CNTLN: variants seen among roughly 807,000 people sequenced by gnomAD.
CNTLN encodes centlein.
CNTLN carries 212 observed loss-of-function variants against 180.0 expected under a neutral mutation model. That is an observed-to-expected ratio of 1.18 (90% confidence interval 1.05 to 1.32). The LOEUF is 1.32. CNTLN is among the 40% of genes most tolerant of loss of function. The pLI is 0.00. For synonymous variants in CNTLN, 722 were observed against 563.1 expected, an observed-to-expected ratio of 1.28 and a Z score of -3.99; for missense variants, 2,095 against 1,610.9, an observed-to-expected ratio of 1.30 and a Z score of -5.14.
chr9:17,423,589 G>C (rs1337097818), intron 18 of CNTLN, among the ~76,000 whole-genome samples: 1 of 152,008 alleles, frequency 6.6e-6, no homozygotes, highest in East Asian at 1.9e-4. Context: ...AGTTCAACTG[G>C]CTCCAAGCCC....
Position 17,228,107 on chromosome 9 carries a change from A to G in CNTLN, c.534+1820A>G, listed in dbSNP as rs564057211. ...TCCTCAATTACACCTCTATTCTGTT[A>G]GAGCAGGAAAATCTTTAATATCCTT... On this transcript the variant is annotated intron_variant, in intron 3 of 25. Coordinates refer to ENST00000380647, the MANE Select transcript of CNTLN (RefSeq NM_017738.4). Among the ~76,000 whole-genome samples the G allele has an allele frequency of 3.3e-5, 5 of 152,246 alleles. No individual in the cohort carries two copies. The South Asian group carries it at 1.0e-3, about 32-fold the overall frequency.
intron 19 of CNTLN, among the ~76,000 whole-genome samples, chr9:17,462,248 A>C (rs1161448789): frequency 2.6e-5 from 4 of 151,750 alleles, no homozygotes; most frequent in Non-Finnish European, 5.9e-5. Context: ...GTTGGAAGAT[A>C]CAAAATAGCC....
intron 5 of CNTLN, among the ~76,000 whole-genome samples, chr9:17,244,376 T>C (rs1825681904): frequency 6.6e-6 from 1 of 152,056 alleles, no homozygotes; most frequent in Non-Finnish European, 1.5e-5. Context: ...TATATCTGGC[T>C]AATTTTTTGC....
At chr9:17,318,752 G>T (rs1218777522) in intron 8 of CNTLN, among the ~76,000 whole-genome samples, 1 of 152,062 alleles carries the variant, frequency 6.6e-6, no homozygotes, top group African/African-American at 2.4e-5. Flanking sequence ...TAACATTTCT[G>T]CCCATTAGTA....
At chr9:17,301,539 A>G (rs1818351651) in intron 7 of CNTLN, 1 of 984,684 alleles carries the variant, frequency 1.0e-6, no homozygotes, top group Non-Finnish European at 1.2e-6. Flanking sequence ...TTTCTCAGAG[A>G]TTACCTTGGG....
At chr9:17,294,821 G>T (rs1817713188) in intron 6 of CNTLN, among the ~76,000 whole-genome samples, 1 of 24,174 alleles carries the variant, frequency 4.1e-5, no homozygotes, top group African/African-American at 2.8e-4. Context: ...TGGGCGAAGG[G>T]GGGAGGGCGG....
intron 10 of CNTLN, 23 bp downstream of exon 10, chr9:17,332,753 A>G (rs547692741): frequency 6.4e-7 from 1 of 1,551,738 alleles, no homozygotes; most frequent in South Asian, 1.2e-5. Flanking sequence ...TCATTTCTTT[A>G]GTAGTAACCT....
chr9:17,292,004 A>G (rs756958571), intron 6 of CNTLN, among the ~76,000 whole-genome samples: 6 of 152,174 alleles, frequency 3.9e-5, no homozygotes, highest in Non-Finnish European at 8.8e-5. Context: ...GTGGTGACTA[A>G]TTACCTCAGC....
chr9:17,515,842 A>G, the CNTLN span, among the ~76,000 whole-genome samples: 4 of 152,160 alleles, frequency 2.6e-5, no homozygotes, highest in African/African-American at 9.7e-5. Flanking sequence ...TTCATTTAAA[A>G]CACATGAGAC....
At chr9:17,271,822 G>A (rs2132498347) in intron 5 of CNTLN, among the ~76,000 whole-genome samples, 1 of 152,180 alleles carries the variant, frequency 6.6e-6, no homozygotes, top group Non-Finnish European at 1.5e-5. Flanking sequence ...ATCAGCTTTG[G>A]CTGGATTATT....
chr9:17,367,400 T>C (rs537348685), intron 13 of CNTLN, among the ~76,000 whole-genome samples: 3 of 91,936 alleles, frequency 3.3e-5, no homozygotes, highest in Non-Finnish European at 7.8e-5. Flanking sequence ...CTATATAAAC[T>C]TAAAAGACTG....
intron 15 of CNTLN, among the ~76,000 whole-genome samples, chr9:17,396,449 C>T (rs540920493): frequency 8.9e-4 from 136 of 152,182 alleles, no homozygotes; most frequent in Non-Finnish European, 1.4e-3. Flanking sequence ...TAACAAATTG[C>T]CCAATTTGCC....
intron 2 of CNTLN, among the ~76,000 whole-genome samples, chr9:17,152,070 G>A (rs372805773): frequency 6.6e-6 from 1 of 151,960 alleles, no homozygotes; most frequent in African/African-American, 2.4e-5. Flanking sequence ...TATTAGTCTG[G>A]CTAGCAGTCT....
chr9:17,295,836 T>C (rs1256400727), intron 6 of CNTLN, among the ~76,000 whole-genome samples: 1 of 152,068 alleles, frequency 6.6e-6, no homozygotes, highest in Non-Finnish European at 1.5e-5. Context: ...AGTATAAGAG[T>C]ATCCTTCAAT....
chr9:17,502,382 A>G (rs896383813), intron 25 of CNTLN, among the ~76,000 whole-genome samples, 169 bp from the exon 26 acceptor site: 2 of 152,218 alleles, frequency 1.3e-5, no homozygotes, highest in Non-Finnish European at 2.9e-5. Context: ...AGAAAAGACA[A>G]AATTACCCAC....
At chr9:17,509,608 A>G in the CNTLN span, among the ~76,000 whole-genome samples, 8 of 152,174 alleles carry the variant, frequency 5.3e-5, no homozygotes, top group Non-Finnish European at 1.2e-4. Flanking sequence ...GATAGGAAGT[A>G]AAACTTTGCA....
At chr9:17,178,984 C>T (rs1467293417) in intron 2 of CNTLN, among the ~76,000 whole-genome samples, 3 of 146,004 alleles carry the variant, frequency 2.1e-5, no homozygotes, top group Non-Finnish European at 4.5e-5. Context: ...GTGGCTCACG[C>T]CTGTAATCCC....
intron 1 of CNTLN, among the ~76,000 whole-genome samples, chr9:17,143,052 A>T (rs764586896): frequency 2.6e-5 from 4 of 152,232 alleles, no homozygotes; most frequent in African/African-American, 4.8e-5. Flanking sequence ...GATATTTAGC[A>T]TTTCAACAGT....
At chr9:17,235,630 C>A in intron 3 of CNTLN, 28 bp from the exon 4 acceptor site, 1 of 1,436,624 alleles carries the variant, frequency 7.0e-7, no homozygotes, top group Non-Finnish European at 9.1e-7. Flanking sequence ...AATAAAAGCT[C>A]ACCAGTAATT....
Sources: gnomAD v4.1 joint callset for allele counts (sites outside exome capture counted in the v4.1 genomes callset) on GRCh38, gnomAD v4.1.1 for gene constraint, MANE v1.5 for transcripts, NCBI Gene and HGNC (gene_info 2026-07-23, HGNC 2026-07-21) for gene names.